ADK: variants seen among roughly 807,000 people sequenced by gnomAD.
The protein encoded by ADK is N6,N6-dimethyladenosine kinase.
A neutral mutation model predicts 44.7 loss-of-function variants in ADK; 24 were observed. That is an observed-to-expected ratio of 0.54 (90% CI 0.39 to 0.76). The LOEUF is 0.76. Among genes scored for constraint, ADK ranks in the 30% least tolerant of loss-of-function variants. The pLI, the probability that ADK is intolerant of heterozygous loss-of-function variation, is 0.00. For synonymous variants in ADK, 128 were observed against 142.6 expected (o/e 0.90, Z 0.73); for missense variants, 321 against 425.1 (o/e 0.76, Z 2.15).
chr10:74,320,941 A>C (rs986826457), intron 4 of ADK, among the ~76,000 whole-genome samples: 1 of 152,176 alleles, frequency 6.6e-6, no homozygotes, highest in African/African-American at 2.4e-5. Flanking sequence ...TCTTTCATTC[A>C]TGCTTCCCAG....
intron 9 of ADK, among the ~76,000 whole-genome samples, chr10:74,631,985 C>T (rs1853442400): frequency 6.6e-6 from 1 of 152,032 alleles, no homozygotes; most frequent in East Asian, 1.9e-4. Flanking sequence ...ATAATTCACA[C>T]ACCATACAAT....
chr10:74,528,811 A>T (rs560236673), intron 7 of ADK, among the ~76,000 whole-genome samples: 1 of 152,332 alleles, frequency 6.6e-6, no homozygotes, highest in Admixed American at 6.5e-5. Context: ...CAAAACCAAA[A>T]TTAGATACCA....
chr10:74,161,924 G>A (rs1841909941), intron 1 of ADK, among the ~76,000 whole-genome samples: 1 of 152,080 alleles, frequency 6.6e-6, no homozygotes, highest in African/African-American at 2.4e-5. Flanking sequence ...TATTGCCCAG[G>A]CTGGTCTTGA....
chr10:74,525,377 C>T lies in ADK; in HGVS notation c.677C>T (p.Ser226Leu), dbSNP rs1233957701. ...TTTATTAGCCAGTTCTACAAGGAATCATTGATGAAAGTTATGCCTTATGTT... is the reference window on the plus strand; with the variant it reads ...TTTATTAGCCAGTTCTACAAGGAATTATTGATGAAAGTTATGCCTTATGTT... Reference protein sequence around the residue: ...APFISQFYKESLMKVMPYVDI... With the variant: ...APFISQFYKELLMKVMPYVDI... The change falls in exon 7 of 11, where the codon TCA becomes TTA. Residue 226 changes from serine to leucine, a missense_variant. Transcript: ENST00000539909. 3 of 1,613,528 alleles carry T rather than the reference C, an allele frequency of 1.9e-6. No individual in the cohort carries two copies. The East Asian group carries it at 6.7e-5, about 36-fold the overall frequency.
intron 9 of ADK, among the ~76,000 whole-genome samples, chr10:74,606,221 G>T (rs1229287596): frequency 2.6e-5 from 4 of 152,078 alleles, no homozygotes; most frequent in African/African-American, 9.7e-5. Flanking sequence ...TTTTGGAAGG[G>T]TTTTTTGTGT....
Position 74,394,330 on chromosome 10 carries a change from G to T in ADK, c.446+17G>T. ...TGACAACAGGTCAGTGTAATTCCAA[G>T]GGAACCACTATACTAATTGGCTATT... On this transcript the variant is annotated intron_variant, in intron 5 of 10. Coordinates refer to ENST00000539909, the MANE Select transcript of ADK (RefSeq NM_006721.4). The T allele has an allele frequency of 6.2e-7, 1 of 1,612,288 alleles. No homozygotes were observed. The highest frequency in any genetic ancestry group is 8.5e-7 in the Non-Finnish European group (1 of 1,179,342).
intron 6 of ADK, among the ~76,000 whole-genome samples, chr10:74,418,401 G>A (rs1445817521): frequency 6.6e-6 from 1 of 152,014 alleles, no homozygotes; most frequent in Non-Finnish European, 1.5e-5. Flanking sequence ...CACTTACACA[G>A]CCAGTCTAGC....
chr10:74,417,454 A>G (rs796090020), intron 6 of ADK, among the ~76,000 whole-genome samples: 16 of 152,304 alleles, frequency 1.1e-4, no homozygotes, highest in South Asian at 4.1e-4. Context: ...AATTGGGACA[A>G]TACTTTGTAG....
At chr10:74,673,953 C>T (rs930951323) in intron 10 of ADK, among the ~76,000 whole-genome samples, 6 of 152,134 alleles carry the variant, frequency 3.9e-5, no homozygotes, top group Admixed American at 1.3e-4. Flanking sequence ...GATGTCCAAC[C>T]GTGGTCTACA....
At chr10:74,567,991 G>A (rs75855927) in intron 7 of ADK, among the ~76,000 whole-genome samples, 22 of 152,148 alleles carry the variant, frequency 1.4e-4, no homozygotes, top group African/African-American at 4.8e-4. Flanking sequence ...GAGCCACCGC[G>A]CCAGGCCCTA....
chr10:74,231,690 T>C (rs1490815164), intron 3 of ADK, among the ~76,000 whole-genome samples: 1 of 152,136 alleles, frequency 6.6e-6, no homozygotes, highest in African/African-American at 2.4e-5. Flanking sequence ...GGTCTTGAGC[T>C]CCTGGGCTCA....
chr10:74,280,134 G>A (rs1846867491), intron 3 of ADK, among the ~76,000 whole-genome samples: 1 of 151,938 alleles, frequency 6.6e-6, no homozygotes, highest in Non-Finnish European at 1.5e-5. Context: ...AGTGATATCT[G>A]TGTTTTTTTG....
intron 2 of ADK, among the ~76,000 whole-genome samples, chr10:74,203,916 T>G (rs576726332): frequency 5.3e-5 from 8 of 151,698 alleles, no homozygotes; most frequent in African/African-American, 1.9e-4. Context: ...GTCTTCCGAG[T>G]TATGAAGACA....
At chr10:74,219,945 T>C (rs1423819292) in intron 2 of ADK, among the ~76,000 whole-genome samples, 1 of 141,956 alleles carries the variant, frequency 7.0e-6, no homozygotes, top group African/African-American at 2.6e-5. Context: ...CACCCTAACA[T>C]CACAATTAAA....
At chr10:74,686,745 C>T (rs745932373) in intron 10 of ADK, among the ~76,000 whole-genome samples, 6 of 152,006 alleles carry the variant, frequency 3.9e-5, no homozygotes, top group Non-Finnish European at 7.4e-5. Context: ...GGCATGATCT[C>T]GGCTCACTGC....
chr10:74,603,665 C>T (rs1350816565), intron 9 of ADK, among the ~76,000 whole-genome samples: 1 of 152,052 alleles, frequency 6.6e-6, no homozygotes, highest in Non-Finnish European at 1.5e-5. Context: ...CATTGATGGG[C>T]ATTTGGGTTG....
At chr10:74,604,021 T>C (rs1006607154) in intron 9 of ADK, among the ~76,000 whole-genome samples, 4 of 152,224 alleles carry the variant, frequency 2.6e-5, no homozygotes, top group African/African-American at 9.6e-5. Flanking sequence ...CTTTTTTTCA[T>C]GTGTTTGTTG....
intron 6 of ADK, among the ~76,000 whole-genome samples, chr10:74,420,028 C>T (rs1466495889): frequency 2.6e-5 from 4 of 152,124 alleles, no homozygotes; most frequent in Non-Finnish European, 5.9e-5. Flanking sequence ...GTTATCACCC[C>T]AGACACTGCC....
At chr10:74,317,137 C>T (rs991245587) in intron 4 of ADK, among the ~76,000 whole-genome samples, 11 of 152,066 alleles carry the variant, frequency 7.2e-5, no homozygotes, top group Non-Finnish European at 1.5e-4. Context: ...TTTAATGAAA[C>T]CATAGGCAAC....
Sources: gnomAD v4.1 joint callset for allele counts (sites outside exome capture counted in the v4.1 genomes callset) on GRCh38, gnomAD v4.1.1 for gene constraint, MANE v1.5 for transcripts, NCBI Gene and HGNC (gene_info 2026-07-23, HGNC 2026-07-21) for gene names.